ORC2: variants seen among roughly 807,000 people sequenced by gnomAD.
The protein encoded by ORC2 is origin recognition complex protein 2 homolog.
ORC2 carries 37 observed loss-of-function variants against 77.7 expected under a neutral mutation model. The ratio of observed to expected loss-of-function variants is 0.48; its 90% CI spans 0.37 to 0.63. The LOEUF is 0.63. Among genes scored for constraint, ORC2 ranks in the 20% least tolerant of loss-of-function variants. The pLI is 0.00. For missense variants in ORC2, 557 were observed against 661.9 expected, an observed-to-expected ratio of 0.84 and a Z score of 1.74; for synonymous variants, 201 against 229.5, an observed-to-expected ratio of 0.88 and a Z score of 1.12.
chr2:200,953,022 G>T (rs1234677436), intron 4 of ORC2, among the ~76,000 whole-genome samples: 1 of 150,848 alleles, frequency 6.6e-6, no homozygotes, highest in African/African-American at 2.4e-5. Context: ...TTAGGTGGGA[G>T]GATCACCTGA....
intron 5 of ORC2, among the ~76,000 whole-genome samples, chr2:200,949,051 C>T (rs996459259): frequency 1.3e-5 from 2 of 151,628 alleles, no homozygotes; most frequent in Non-Finnish European, 2.9e-5. Flanking sequence ...CCAACCTGGC[C>T]AACATGGTGA....
chr2:200,920,010 A>C (rs1018753566), intron 15 of ORC2, among the ~76,000 whole-genome samples: 2 of 152,196 alleles, frequency 1.3e-5, no homozygotes, highest in Non-Finnish European at 2.9e-5. Flanking sequence ...CAAAGAAATA[A>C]AAAGTTGGTA....
chr2:200,952,243 T>C (rs1036170095), intron 4 of ORC2, among the ~76,000 whole-genome samples: 7 of 151,382 alleles, frequency 4.6e-5, no homozygotes, highest in African/African-American at 1.7e-4. Context: ...TGTATAACTA[T>C]ATATTTATAT....
chr2:200,931,796 C>A (rs2040946607), intron 10 of ORC2, among the ~76,000 whole-genome samples: 2 of 152,174 alleles, frequency 1.3e-5, no homozygotes, highest in East Asian at 1.9e-4. Context: ...GTAAAATAAA[C>A]CTATATCACT....
intron 7 of ORC2, among the ~76,000 whole-genome samples, chr2:200,939,414 G>A (rs1415000717): frequency 6.6e-6 from 1 of 152,086 alleles, no homozygotes; most frequent in Non-Finnish European, 1.5e-5. Context: ...ACTTGCTATA[G>A]AACATTTCTG....
intron 4 of ORC2, 80 bp downstream of exon 4, chr2:200,957,321 T>G (rs535712565): frequency 9.7e-7 from 1 of 1,033,490 alleles, no homozygotes; most frequent in South Asian, 1.9e-5. Context: ...CTGTTTAACC[T>G]ACCAGACTAC....
Position 200,913,381 on chromosome 2 carries a change from G to T in ORC2, c.1561C>A (p.Arg521=). 1 of 1,595,926 alleles carries T rather than the reference G, an allele frequency of 6.3e-7. No individual in the cohort carries two copies. The highest frequency in any genetic ancestry group is 1.1e-5 in the South Asian group (1 of 90,760). ...TCACTATTGACGAGGAATGCCTCCCGACACTGCTGGTAAAAATCTTGAAAA... is the reference window on the plus strand; with the variant it reads ...TCACTATTGACGAGGAATGCCTCCCTACACTGCTGGTAAAAATCTTGAAAA... ...LSFQDFYQQC[R]EAFLVNSDLT... is the part of the protein sequence containing the mutation. The change falls in exon 17 of 18, where the codon CGG becomes AGG. Residue 521 remains arginine (R), a synonymous_variant. Coordinates refer to ENST00000234296, the MANE Select transcript of ORC2 (RefSeq NM_006190.5).
intron 1 of ORC2, among the ~76,000 whole-genome samples, chr2:200,961,352 G>C (rs376461674): frequency 1.7e-4 from 25 of 151,160 alleles, no homozygotes; most frequent in African/African-American, 5.3e-4. Context: ...GTAGAGACGG[G>C]GTTTCCCCAT....
chr2:200,913,187 A>T, intron 17 of ORC2, 108 bp downstream of exon 17: 1 of 740,936 alleles, frequency 1.3e-6, no homozygotes, highest in Non-Finnish European at 2.1e-6. Flanking sequence ...CTGTGACTCA[A>T]CAGGGAACAT....
At chr2:200,928,589 G>A (rs377113089) in intron 11 of ORC2, among the ~76,000 whole-genome samples, 260 of 151,858 alleles carry the variant, frequency 1.7e-3, no homozygotes, top group African/African-American at 5.0e-3. Flanking sequence ...CGAGGCGGGC[G>A]GATCACGAGG....
At chr2:200,912,312 C>T (rs1277862394) in intron 17 of ORC2, among the ~76,000 whole-genome samples, 1 of 152,214 alleles carries the variant, frequency 6.6e-6, no homozygotes, top group Non-Finnish European at 1.5e-5. Context: ...GCATAGTTGA[C>T]ATTTCCATTT....
chr2:200,957,222 A>G lies in ORC2; in HGVS notation c.238+179T>C, dbSNP rs139289557. Among the ~76,000 whole-genome samples the G allele has an allele frequency of 3.4e-3, 512 of 152,312 alleles. 1 individual carries two copies. Among genetic ancestry groups the G allele is most frequent in the African/African-American group, 0.011 (477 of 41,566 alleles). On this transcript the variant is annotated intron_variant, in intron 4 of 17. Transcript: ENST00000234296. ...TATAGATTCCTTCTTACTGAAAACT[A>G]TGTGCAGGACTGGTTGTTAAAAAAA...
At position 200,909,154 on chromosome 2, in the gene ORC2, A is replaced by G. The variant is rs2040513171; in HGVS notation, c.*2147T>C. On this transcript the variant is annotated 3_prime_UTR_variant, in exon 18 of 18. Transcript: ENST00000234296. ...ACTAGATATATTAAGCAAAAAAAGC[A>G]AGGTGCAAACCAGCAAGTATGATAT... 1 of 152,326 alleles carries G rather than the reference A, an allele frequency of 6.6e-6. No homozygotes were observed. Among genetic ancestry groups the G allele is most frequent in the Non-Finnish European group, 1.5e-5 (1 of 68,014 alleles). 9.4% of individuals were successfully genotyped at this position (152,326 alleles called of 1,614,324 possible).
chr2:200,956,642 C>G (rs1407139635), intron 4 of ORC2, among the ~76,000 whole-genome samples: 1 of 152,022 alleles, frequency 6.6e-6, no homozygotes, highest in Non-Finnish European at 1.5e-5. Flanking sequence ...AAATAAATAC[C>G]TTAAAAATAG....
intron 15 of ORC2, 48 bp from the exon 16 acceptor site, chr2:200,914,040 A>C (rs2040596891): frequency 3.4e-6 from 4 of 1,174,204 alleles, no homozygotes; most frequent in Non-Finnish European, 4.9e-6. Flanking sequence ...TGTTAACATC[A>C]AAAGGTAACA....
chr2:200,954,701 C>A (rs2041432969), intron 4 of ORC2, among the ~76,000 whole-genome samples: 1 of 151,894 alleles, frequency 6.6e-6, no homozygotes, highest in Non-Finnish European at 1.5e-5. Flanking sequence ...AGTCTGTGGC[C>A]CTCCAAAGCG....
chr2:200,956,773 AAAATAAATAAAT>A (rs557684169), intron 4 of ORC2, among the ~76,000 whole-genome samples: 1 of 152,086 alleles, frequency 6.6e-6, no homozygotes, highest in African/African-American at 2.4e-5. Flanking sequence ...CCCTGTCTCT[AAAATAAATAAAT>A]AAATAAATAA....
intron 15 of ORC2, among the ~76,000 whole-genome samples, chr2:200,917,900 G>C (rs1238610505): frequency 2.0e-5 from 3 of 149,960 alleles, no homozygotes; most frequent in Non-Finnish European, 4.4e-5. Context: ...GCTAGGGGGG[G>C]TTAAAAAAAA....
At chr2:200,923,875 T>C (rs2040798988) in intron 13 of ORC2, among the ~76,000 whole-genome samples, 1 of 152,192 alleles carries the variant, frequency 6.6e-6, no homozygotes, top group Non-Finnish European at 1.5e-5. Context: ...CGGCTTAGAA[T>C]ATGTACATTG....
Sources: gnomAD v4.1 joint callset for allele counts (sites outside exome capture counted in the v4.1 genomes callset) on GRCh38, gnomAD v4.1.1 for gene constraint, MANE v1.5 for transcripts, NCBI Gene and HGNC (gene_info 2026-07-23, HGNC 2026-07-21) for gene names.